TMEM67: variants seen among roughly 807,000 people sequenced by gnomAD.
TMEM67 encodes meckelin.
Under a neutral mutation model 136.6 loss-of-function variants are expected in TMEM67, and 124 were observed. The observed-to-expected ratio is 0.91, with a 90% CI of 0.78 to 1.05. The LOEUF (loss-of-function observed/expected upper bound fraction) is 1.05. Among genes scored for constraint, TMEM67 ranks in the 50% least tolerant of loss-of-function variants. The pLI, the probability that TMEM67 is intolerant of heterozygous loss-of-function variation, is 0.00. For missense variants in TMEM67, 1,107 were observed against 1,178.4 expected (o/e 0.94, Z 0.89); for synonymous variants, 364 against 390.5 (o/e 0.93, Z 0.80).
At chr8:93,787,768 A>G in intron 13 of TMEM67, 76 bp from the exon 14 acceptor site, 4 of 1,160,440 alleles carry the variant, frequency 3.4e-6, no homozygotes, top group Non-Finnish European at 5.2e-6. Flanking sequence ...ATTAAATTCA[A>G]AAGAAATGGT....
the TMEM67 span, among the ~76,000 whole-genome samples, chr8:93,824,807 C>A: frequency 6.6e-6 from 1 of 152,166 alleles, no homozygotes; most frequent in Non-Finnish European, 1.5e-5. Flanking sequence ...CCTCTGCCTG[C>A]GGGTTCAAGC....
intron 20 of TMEM67, 115 bp downstream of exon 20, chr8:93,797,585 A>G: frequency 9.7e-7 from 1 of 1,032,242 alleles, no homozygotes; most frequent in Non-Finnish European, 1.5e-6. Context: ...AGGTTGAAAT[A>G]TTGTTGTGAA....
At chr8:93,755,749 GGC>G in intron 1 of TMEM67, 27 bp from the exon 2 acceptor site, 2 of 1,101,206 alleles carry the variant, frequency 1.8e-6, no homozygotes, top group Admixed American at 2.4e-5. Context: ...GGATAAAATT[GGC>G]TTTTTTTTTT....
intron 14 of TMEM67, among the ~76,000 whole-genome samples, chr8:93,790,067 A>G (rs1226122229): frequency 6.6e-6 from 1 of 151,810 alleles, no homozygotes; most frequent in Non-Finnish European, 1.5e-5. Context: ...CTCTGTCTCA[A>G]AAGAAAAAAA....
rs1320982501 is a variant in TMEM67, at chr8:93,772,668, T to A, written c.714+17T>A. The A allele has an allele frequency of 6.9e-6, 11 of 1,592,778 alleles. No homozygotes were observed. The highest frequency in any genetic ancestry group is 2.2e-5 in the East Asian group (1 of 44,644). ...GCATGTTGGGTAAGTTTGAATTTTT[T>A]AAATAAATTTCATTTTATTTTGAAG... is the stretch of plus-strand genomic sequence containing the variant. On this transcript the variant is annotated intron_variant, in intron 7 of 27. Coordinates refer to ENST00000453321, the MANE Select transcript of TMEM67 (RefSeq NM_153704.6).
At chr8:93,809,552 A>G (rs1490656782) in intron 25 of TMEM67, among the ~76,000 whole-genome samples, 1 of 152,158 alleles carries the variant, frequency 6.6e-6, no homozygotes, top group African/African-American at 2.4e-5. Flanking sequence ...GCATTTTATA[A>G]ATTGATTTTC....
At chr8:93,799,548 C>T in intron 20 of TMEM67, 70 bp from the exon 21 acceptor site, 4 of 1,514,100 alleles carry the variant, frequency 2.6e-6, no homozygotes, top group Middle Eastern at 1.8e-4. Context: ...GAGAGGTTTT[C>T]TGTTTTCAGT....
intron 14 of TMEM67, among the ~76,000 whole-genome samples, chr8:93,788,966 G>A (rs1814246505): frequency 6.6e-6 from 1 of 152,108 alleles, no homozygotes; most frequent in African/African-American, 2.4e-5. Flanking sequence ...CTTTGAGGAG[G>A]GGTAAATGAG....
intron 16 of TMEM67, 40 bp from the exon 17 acceptor site, chr8:93,795,368 TG>T (rs1381941316): frequency 1.3e-6 from 2 of 1,508,192 alleles, no homozygotes; most frequent in African/African-American, 1.4e-5. Flanking sequence ...GGTATATACA[TG>T]GAGTCTTAAA....
chr8:93,796,023 G>T, intron 18 of TMEM67, 36 bp downstream of exon 18: 2 of 1,304,180 alleles, frequency 1.5e-6, no homozygotes, highest in Non-Finnish European at 2.2e-6. Context: ...AATTTAAAAG[G>T]CCTGCTAATG....
chr8:93,793,506 G>T (rs530938341), intron 16 of TMEM67, among the ~76,000 whole-genome samples: 1 of 152,182 alleles, frequency 6.6e-6, no homozygotes, highest in Non-Finnish European at 1.5e-5. Flanking sequence ...CACCAGCAAT[G>T]CTCTTCTTAT....
chr8:93,827,821 C>T, the TMEM67 span, among the ~76,000 whole-genome samples: 94 of 151,650 alleles, frequency 6.2e-4, 1 homozygote, highest in Middle Eastern at 6.8e-3. Flanking sequence ...TGCTAAGTTT[C>T]CCTTGTGGCT....
chr8:93,804,950 A>G (rs1045542177), intron 23 of TMEM67, 72 bp downstream of exon 23: 1 of 826,602 alleles, frequency 1.2e-6, no homozygotes, highest in Non-Finnish European at 1.9e-6. Flanking sequence ...GATTTGTTTT[A>G]AAAAAAAAAC....
At chr8:93,761,635 A>G (rs1195466642) in intron 3 of TMEM67, among the ~76,000 whole-genome samples, 1 of 152,232 alleles carries the variant, frequency 6.6e-6, no homozygotes, top group Non-Finnish European at 1.5e-5. Flanking sequence ...ACAATGGTAT[A>G]GAATGCAATT....
At chr8:93,811,525 T>C (rs937586081) in intron 26 of TMEM67, among the ~76,000 whole-genome samples, 1 of 152,220 alleles carries the variant, frequency 6.6e-6, no homozygotes, top group African/African-American at 2.4e-5. Flanking sequence ...GTAAACCTGT[T>C]GTTTCCAAAA....
chr8:93,777,745 C>T (rs921937822), intron 7 of TMEM67, among the ~76,000 whole-genome samples: 4 of 152,162 alleles, frequency 2.6e-5, no homozygotes, highest in African/African-American at 9.7e-5. Flanking sequence ...TGTTCTTTTA[C>T]ATTTGCTGAG....
At chr8:93,768,567 G>A (rs148211478) in intron 6 of TMEM67, among the ~76,000 whole-genome samples, 21 of 152,100 alleles carry the variant, frequency 1.4e-4, no homozygotes, top group African/African-American at 3.4e-4. Context: ...CCAAGATCGC[G>A]CCACTGCACT....
Position 93,799,649 on chromosome 8 carries a change from A to C in TMEM67, c.2132A>C (p.Asp711Ala), listed in dbSNP as rs781383498. 10 of 1,613,494 alleles carry C rather than the reference A, an allele frequency of 6.2e-6. No individual in the cohort carries two copies. Among genetic ancestry groups the C allele is most frequent in the African/African-American group, 1.3e-5 (1 of 74,814 alleles). The change falls in exon 21 of 28, where the codon GAC becomes GCC. Residue 711 changes from aspartate (D) to alanine (A), a missense_variant. Physicochemically the swap from Asp to Ala is moderately radical, Grantham distance 126. This residue lies in a region of TMEM67 where 925 missense variants were observed against 1,002.4 expected (regional missense o/e 0.92). Coordinates refer to ENST00000453321, the MANE Select transcript of TMEM67 (RefSeq NM_153704.6). Reference protein sequence around the residue: ...VVGFKNLALMDSSSSLSRNPP... With the variant: ...VVGFKNLALMASSSSLSRNPP... ...GGATTCAAGAACTTAGCATTAATGG[A>C]CTCATCTTCTAGTCTTTCTAGAAAC...
At chr8:93,763,995 A>C in intron 4 of TMEM67, 54 bp downstream of exon 4, 1 of 1,153,692 alleles carries the variant, frequency 8.7e-7, no homozygotes, top group Non-Finnish European at 1.3e-6. Flanking sequence ...ATTAGTGTAT[A>C]ATTTGTACTT....
Sources: gnomAD v4.1 joint callset for allele counts (sites outside exome capture counted in the v4.1 genomes callset) on GRCh38, gnomAD v4.1.1 for gene constraint, gnomAD v4.1.1 regional missense constraint, MANE v1.5 for transcripts, NCBI Gene and HGNC (gene_info 2026-07-23, HGNC 2026-07-21) for gene names.